FARS2: variants seen among roughly 807,000 people sequenced by gnomAD.
The protein encoded by FARS2 is phenylalanyl-tRNA synthetase 2, mitochondrial.
FARS2 carries 40 observed loss-of-function variants against 46.4 expected under a neutral mutation model. The ratio of observed to expected loss-of-function variants is 0.86; its 90% CI spans 0.67 to 1.12. The LOEUF (loss-of-function observed/expected upper bound fraction) is 1.12, where lower values mean the gene tolerates loss of function less well. Ranked by LOEUF, FARS2 falls within the 50% of genes most tolerant of loss-of-function variation. The probability of loss-of-function intolerance (pLI) is 0.00; values close to 1 mark genes in which losing one functional copy is unlikely to be tolerated. For missense variants in FARS2, 513 were observed against 567.9 expected (o/e 0.90, Z 0.98); for synonymous variants, 234 against 214.9 (o/e 1.09, Z -0.78).
At chr6:5,428,774 CGTGT>C (rs1762994528) in intron 3 of FARS2, among the ~76,000 whole-genome samples, 1 of 152,064 alleles carries the variant, frequency 6.6e-6, no homozygotes, top group Non-Finnish European at 1.5e-5. Flanking sequence ...AGTGGCTCTG[CGTGT>C]CTGAGCTTCC....
intron 2 of FARS2, among the ~76,000 whole-genome samples, chr6:5,383,567 T>C (rs1759926181): frequency 6.6e-6 from 1 of 152,104 alleles, no homozygotes; most frequent in South Asian, 2.1e-4. Context: ...AGGACAACTC[T>C]TGAGTGGTGG....
At chr6:5,662,002 C>T (rs1250057265) in intron 6 of FARS2, among the ~76,000 whole-genome samples, 1 of 151,936 alleles carries the variant, frequency 6.6e-6, no homozygotes, top group Non-Finnish European at 1.5e-5. Context: ...GCAGGGTTGA[C>T]CTTAGACTGG....
At chr6:5,762,294 A>G (rs1390075490) in intron 6 of FARS2, among the ~76,000 whole-genome samples, 1 of 152,206 alleles carries the variant, frequency 6.6e-6, no homozygotes, top group African/African-American at 2.4e-5. Flanking sequence ...TTCATGATCT[A>G]TATTTTAGAA....
At chr6:5,719,592 T>G (rs754258685) in intron 6 of FARS2, among the ~76,000 whole-genome samples, 1 of 152,146 alleles carries the variant, frequency 6.6e-6, no homozygotes, top group Non-Finnish European at 1.5e-5. Context: ...CACAACTCAA[T>G]GCCCTCGTGA....
intron 3 of FARS2, among the ~76,000 whole-genome samples, chr6:5,405,480 C>CTTTTTTTTTGTTTTT (rs1761521418): frequency 1.7e-5 from 1 of 58,946 alleles, no homozygotes; most frequent in African/African-American, 6.5e-5. Flanking sequence ...GAGCAAGGTT[C>CTTTTTTTTTGTTTTT]TTTTTTTTTT....
At chr6:5,685,639 A>T (rs571483056) in intron 6 of FARS2, among the ~76,000 whole-genome samples, 1 of 152,134 alleles carries the variant, frequency 6.6e-6, no homozygotes, top group Non-Finnish European at 1.5e-5. Context: ...TTTAAATTCT[A>T]CCTGGAGTAG....
chr6:5,588,078 G>A (rs1264414969), intron 5 of FARS2, among the ~76,000 whole-genome samples: 1 of 151,990 alleles, frequency 6.6e-6, no homozygotes, highest in African/African-American at 2.4e-5. Flanking sequence ...TGACAGCTAG[G>A]CCTCTTCATA....
At chr6:5,587,199 A>G (rs1237120627) in intron 5 of FARS2, among the ~76,000 whole-genome samples, 1 of 152,202 alleles carries the variant, frequency 6.6e-6, no homozygotes, top group African/African-American at 2.4e-5. Flanking sequence ...TTTCTCCTTC[A>G]TAAAGGTGGT....
intron 4 of FARS2, among the ~76,000 whole-genome samples, chr6:5,532,783 T>TAATAATAAG (rs894517533): frequency 7.2e-6 from 1 of 138,668 alleles, no homozygotes; most frequent in African/African-American, 3.0e-5. Flanking sequence ...ATAATAATAA[T>TAATAATAAG]AAGAAGAAGA....
intron 2 of FARS2, among the ~76,000 whole-genome samples, chr6:5,374,183 G>T (rs1759235570): frequency 6.6e-6 from 1 of 152,074 alleles, no homozygotes; most frequent in Non-Finnish European, 1.5e-5. Flanking sequence ...TATTGAAACT[G>T]GGTGTTGGAT....
intron 6 of FARS2, among the ~76,000 whole-genome samples, chr6:5,761,192 T>C (rs921099259): frequency 6.6e-6 from 1 of 152,224 alleles, no homozygotes; most frequent in Non-Finnish European, 1.5e-5. Context: ...AAGTTGTCTA[T>C]GGTCCATGCC....
intron 6 of FARS2, among the ~76,000 whole-genome samples, chr6:5,690,397 T>C (rs1757607472): frequency 6.6e-6 from 1 of 151,560 alleles, no homozygotes; most frequent in Admixed American, 6.6e-5. Flanking sequence ...GGCCTGGTGG[T>C]GACAAAATCT....
intron 1 of FARS2, among the ~76,000 whole-genome samples, chr6:5,359,923 A>G (rs1195630157): frequency 3.3e-5 from 5 of 152,240 alleles, no homozygotes; most frequent in African/African-American, 4.8e-5. Flanking sequence ...TCAGAAAAAC[A>G]TACCCTGATG....
intron 3 of FARS2, among the ~76,000 whole-genome samples, chr6:5,430,149 T>C (rs1428990334): frequency 6.6e-6 from 1 of 152,156 alleles, no homozygotes; most frequent in Non-Finnish European, 1.5e-5. Context: ...TAGCAAAGTG[T>C]TGCCTAAAAA....
At chr6:5,760,484 A>T (rs1762425735) in intron 6 of FARS2, among the ~76,000 whole-genome samples, 1 of 152,178 alleles carries the variant, frequency 6.6e-6, no homozygotes, top group Non-Finnish European at 1.5e-5. Context: ...CAGTGAAGCC[A>T]CTCAGAGCAG....
chr6:5,708,478 C>T (rs181521719), intron 6 of FARS2, among the ~76,000 whole-genome samples: 1 of 152,160 alleles, frequency 6.6e-6, no homozygotes, highest in East Asian at 1.9e-4. Context: ...AGGCAGGTGT[C>T]CTGAAGGGAA....
intron 5 of FARS2, among the ~76,000 whole-genome samples, chr6:5,562,374 C>T (rs932129801): frequency 3.3e-5 from 5 of 152,130 alleles, no homozygotes; most frequent in Admixed American, 1.3e-4. Flanking sequence ...GGTTTTGGCT[C>T]AATACCTGAT....
intron 6 of FARS2, among the ~76,000 whole-genome samples, chr6:5,684,446 A>T (rs1582754642): frequency 6.6e-6 from 1 of 152,176 alleles, no homozygotes; most frequent in African/African-American, 2.4e-5. Context: ...CTGGCATGTC[A>T]TTCTCTGAGG....
chr6:5,738,477 A>G (rs1378618593), intron 6 of FARS2, among the ~76,000 whole-genome samples: 1 of 152,134 alleles, frequency 6.6e-6, no homozygotes, highest in Non-Finnish European at 1.5e-5. Flanking sequence ...AATATGTCCA[A>G]AGATGAATGA....
Sources: gnomAD v4.1 joint callset for allele counts (sites outside exome capture counted in the v4.1 genomes callset) on GRCh38, gnomAD v4.1.1 for gene constraint, MANE v1.5 for transcripts, NCBI Gene and HGNC (gene_info 2026-07-23, HGNC 2026-07-21) for gene names.